Variants in FAM180A observed in about 807,000 individuals in gnomAD.
The protein encoded by FAM180A is family with sequence similarity 180 member A.
A neutral mutation model predicts 15.3 loss-of-function variants in FAM180A; 14 were observed. The observed-to-expected ratio is 0.92, with a 90% confidence interval of 0.61 to 1.43. FAM180A has a LOEUF of 1.43. Among genes scored for constraint, FAM180A ranks in the 40% most tolerant of loss-of-function variants. FAM180A has a pLI of 0.00. For missense variants in FAM180A, 200 were observed against 220.8 expected, an observed-to-expected ratio of 0.91 and a Z score of 0.60; for synonymous variants, 90 against 96.8, an observed-to-expected ratio of 0.93 and a Z score of 0.41.
rs1796835245 is a variant in FAM180A, at chr7:135,734,099, G to A, written c.398C>T (p.Thr133Ile). The change falls in exon 3 of 4, where the codon ACA becomes ATA. Residue 133 changes from threonine to isoleucine, a missense_variant. Physicochemically the swap from Thr to Ile is moderately conservative, Grantham distance 89 (BLOSUM62 -1). Coordinates refer to ENST00000338588, the MANE Select transcript of FAM180A (RefSeq NM_205855.4). ...FERTVLTLAY[T>I]AYRTALSHGH... ...GTGGGACAGGGCTGTGCGGTAGGCT[G>A]TGTAGGCCAGGGTCAGCACTGTCCT... The A allele has an allele frequency of 1.2e-6, 2 of 1,614,216 alleles. No individual in the cohort carries two copies. The highest frequency in any genetic ancestry group is 2.7e-5 in the African/African-American group (2 of 75,070).
At chr7:135,737,834 G>A (rs1367728257) in intron 1 of FAM180A, among the ~76,000 whole-genome samples, 2 of 152,130 alleles carry the variant, frequency 1.3e-5, no homozygotes, top group Admixed American at 6.6e-5. Flanking sequence ...ATATGCCTGG[G>A]GATATGCATG....
intron 1 of FAM180A, among the ~76,000 whole-genome samples, chr7:135,738,213 A>G (rs1408003849): frequency 1.3e-5 from 2 of 148,902 alleles, no homozygotes; most frequent in Non-Finnish European, 2.9e-5. Context: ...TTTGTTTGAG[A>G]TGGAGTCTTG....
rs1228700249 is a variant in FAM180A at position 135,748,587 on chromosome 7, C to T, written c.-7G>A. The T allele has an allele frequency of 6.2e-6, 10 of 1,613,172 alleles. No homozygotes were observed. Among genetic ancestry groups the T allele is most frequent in the Non-Finnish European group, 6.8e-6 (8 of 1,179,280 alleles). ...GCAACATCTTCCAATGCATCTTGTC[C>T]TTCAAAAGGTGAAAAATCGACCCTC... On this transcript the variant is annotated 5_prime_UTR_variant, in exon 1 of 4. Transcript: ENST00000338588.
intron 3 of FAM180A, among the ~76,000 whole-genome samples, chr7:135,732,653 A>G (rs1413324721): frequency 6.6e-6 from 1 of 151,102 alleles, no homozygotes; most frequent in Non-Finnish European, 1.5e-5. Flanking sequence ...AGATAGTGCC[A>G]CTGCACTCCA....
chr7:135,737,339 C>T, intron 1 of FAM180A, 140 bp from the exon 2 acceptor site: 1 of 636,602 alleles, frequency 1.6e-6, no homozygotes. Flanking sequence ...CTAATTCCAG[C>T]CCTTTGGGAG....
chr7:135,734,034 G>C lies in FAM180A; in HGVS notation c.463C>G (p.Leu155Val), dbSNP rs140357225. ...AAGTCGTGCCTCAGGGCCTGGAAGAGGCTAACGAGGGACTGCGCCCAGATG... is the reference window on the plus strand; with the variant it reads ...AAGTCGTGCCTCAGGGCCTGGAAGACGCTAACGAGGGACTGCGCCCAGATG... ...KDIWAQSLVSLFQALRHDLMR... is the reference protein window; with the variant it reads ...KDIWAQSLVSVFQALRHDLMR... The change falls in exon 3 of 4, where the codon CTC (leucine) becomes GTC (valine). Residue 155 changes from leucine to valine, a missense_variant. Coordinates refer to ENST00000338588, the MANE Select transcript of FAM180A (RefSeq NM_205855.4). The C allele has an allele frequency of 8.7e-6, 14 of 1,614,186 alleles. No homozygotes were observed. In the African/African-American group the frequency reaches 1.5e-4, roughly 17 times the overall value.
chr7:135,733,788 C>T lies in FAM180A; in HGVS notation c.*187G>A. 7.2e-7 allele frequency: 1 copy of T among 1,385,930 alleles called. No homozygotes were observed. Among genetic ancestry groups the T allele is most frequent in the Non-Finnish European group, 9.3e-7 (1 of 1,075,474 alleles). The allele number at this position is 1,385,930 out of a possible 1,614,324, so 85.9% of individuals were successfully genotyped here. ...TCTTCCAGCCCAGGTCACATGATGG[C>T]ATGAATCAGATGTGTCTTCCAGGAA... is the stretch of plus-strand genomic sequence containing the variant. On this transcript the variant is annotated 3_prime_UTR_variant, in exon 3 of 4. Coordinates refer to ENST00000338588, the MANE Select transcript of FAM180A (RefSeq NM_205855.4).
chr7:135,738,190 T>TTTTG (rs1180812352), intron 1 of FAM180A, among the ~76,000 whole-genome samples: 3 of 151,864 alleles, frequency 2.0e-5, no homozygotes, highest in South Asian at 2.1e-4. Flanking sequence ...GCTGCCTGAT[T>TTTTG]TTTGTTTGTT....
At chr7:135,744,266 C>G (rs1395920409) in intron 1 of FAM180A, among the ~76,000 whole-genome samples, 1 of 152,188 alleles carries the variant, frequency 6.6e-6, no homozygotes. Context: ...GGTATTCAGG[C>G]TAATCATGCT....
intron 1 of FAM180A, among the ~76,000 whole-genome samples, chr7:135,747,025 G>C (rs1394128216): frequency 6.6e-6 from 1 of 152,164 alleles, no homozygotes; most frequent in East Asian, 1.9e-4. Flanking sequence ...GCTTGAACCT[G>C]GGAGGCGGAG....
At chr7:135,747,100 A>C (rs1797041507) in intron 1 of FAM180A, among the ~76,000 whole-genome samples, 1 of 152,196 alleles carries the variant, frequency 6.6e-6, no homozygotes, top group Non-Finnish European at 1.5e-5. Context: ...ACTCCGTCTC[A>C]AAAATAAATA....
At position 135,748,538 on chromosome 7, in the gene FAM180A, C is replaced by T; in HGVS notation, c.43G>A (p.Ala15Thr). 1 of 1,614,088 alleles carries T rather than the reference C, an allele frequency of 6.2e-7. No individual in the cohort carries two copies. Among genetic ancestry groups the T allele is most frequent in the Admixed American group, 1.7e-5 (1 of 60,020 alleles). The part of the protein sequence containing the change: ...MLLLLLLYYN[A>T]EASMCHRWSR... Reference sequence around the variant, plus strand: ...CACCTGTGGCACATAGAAGCCTCAGCATTGTAATACAACAGCAGAAGCAGC... The same window carrying T: ...CACCTGTGGCACATAGAAGCCTCAGTATTGTAATACAACAGCAGAAGCAGC... The change falls in exon 1 of 4, where the codon GCT (alanine) becomes ACT (threonine). Residue 15 changes from alanine (A) to threonine (T), a missense_variant. Physicochemically the swap from Ala to Thr is moderately conservative, Grantham distance 58. Transcript: ENST00000338588.
intron 2 of FAM180A, 114 bp downstream of exon 2, chr7:135,736,985 G>T: frequency 1.3e-6 from 1 of 786,330 alleles, no homozygotes; most frequent in Non-Finnish European, 2.2e-6. Flanking sequence ...CCCTACCACA[G>T]CAGGGGTCAC....
chr7:135,739,070 G>T (rs1452870442), intron 1 of FAM180A, among the ~76,000 whole-genome samples: 1 of 152,206 alleles, frequency 6.6e-6, no homozygotes, highest in Admixed American at 6.5e-5. Flanking sequence ...AGCACTTTGG[G>T]AGGCTGAGGT....
chr7:135,732,358 T>G (rs1406498217), intron 3 of FAM180A, among the ~76,000 whole-genome samples: 1 of 152,098 alleles, frequency 6.6e-6, no homozygotes, highest in African/African-American at 2.4e-5. Flanking sequence ...TAGGTAGAAG[T>G]CTTAGAGATT....
chr7:135,740,974 CAA>C (rs66604052), intron 1 of FAM180A, among the ~76,000 whole-genome samples: 2,962 of 150,486 alleles, frequency 0.02, 63 homozygotes, highest in South Asian at 0.096. Flanking sequence ...CAAAACAAAA[CAA>C]AAAAAAAAAC....
intron 1 of FAM180A, among the ~76,000 whole-genome samples, chr7:135,741,685 A>C (rs1584753163): frequency 6.6e-6 from 1 of 151,776 alleles, no homozygotes; most frequent in East Asian, 2.0e-4. Context: ...TTAGCTGGGC[A>C]TGGTGGCACA....
intron 1 of FAM180A, among the ~76,000 whole-genome samples, chr7:135,746,502 G>C (rs1332741663): frequency 6.6e-6 from 1 of 152,206 alleles, no homozygotes; most frequent in South Asian, 2.1e-4. Flanking sequence ...AATAGAGATG[G>C]AACTTAAACC....
At position 135,729,744 on chromosome 7, in the gene FAM180A, C is replaced by T. The variant is rs999092875; in HGVS notation, c.*867G>A. On this transcript the variant is annotated 3_prime_UTR_variant, in exon 4 of 4. Coordinates refer to ENST00000338588, the MANE Select transcript of FAM180A (RefSeq NM_205855.4). ...AGGAAGGAAACACTTTTCCAGAATA[C>T]AATGCTCAAGAAATGTAAGCCAGAT... 3 of 985,228 alleles carry T rather than the reference C, an allele frequency of 3.0e-6. No individual in the cohort carries two copies. Among genetic ancestry groups the T allele is most frequent in the Non-Finnish European group, 3.6e-6 (3 of 829,910 alleles). The allele number at this position is 985,228 out of a possible 1,614,324, so 61.0% of individuals were successfully genotyped here.
Sources: allele counts gnomAD v4.1 joint callset (sites outside exome capture counted in the v4.1 genomes callset), GRCh38; gene constraint gnomAD v4.1.1; transcripts MANE v1.5; gene names NCBI Gene and HGNC (gene_info 2026-07-23, HGNC 2026-07-21).